DET1: variants seen among roughly 807,000 people sequenced by gnomAD.
DET1 encodes the protein DET1 partner of COP1 E3 ubiquitin ligase, also known as DET1 homolog.
Under a neutral mutation model 43.7 loss-of-function variants are expected in DET1, and 22 were observed. That is an observed-to-expected ratio of 0.50 (90% CI 0.36 to 0.72). The LOEUF (loss-of-function observed/expected upper bound fraction) is 0.72. Among genes scored for constraint, DET1 ranks in the 30% least tolerant of loss-of-function variants. DET1 has a pLI of 0.00. For synonymous variants in DET1, 315 were observed against 266.2 expected, an observed-to-expected ratio of 1.18 and a Z score of -1.79; for missense variants, 713 against 713.3, an observed-to-expected ratio of 1.00 and a Z score of 0.00.
chr15:88,531,094 A>C lies in DET1; in HGVS notation c.612T>G (p.Cys204Trp). The stretch of plus-strand genomic sequence containing the variant: ...TGTCACACTTGAACGTGCGTGTATC[A>C]CATAAGCGGCCGGTGTGAAGGTCAA... The part of the protein sequence containing the change: ...HIIDLHTGRL[C>W]DTRTFKCDKV... Residue 204 changes from cysteine to tryptophan, a missense_variant, in exon 2 of 5, where the codon TGT (cysteine) becomes TGG (tryptophan). Physicochemically the swap from Cys to Trp is radical, Grantham distance 215. Transcript: ENST00000268148. The surrounding 1 kb of genome is among the most constrained non-coding windows in gnomAD (Gnocchi z 6.2). 1 of 1,613,990 alleles carries C rather than the reference A, an allele frequency of 6.2e-7. No individual in the cohort carries two copies. Among genetic ancestry groups the C allele is most frequent in the Non-Finnish European group, 8.5e-7 (1 of 1,179,892 alleles).
intron 3 of DET1, among the ~76,000 whole-genome samples, chr15:88,525,808 T>C (rs2056646422): frequency 6.7e-6 from 1 of 149,180 alleles, no homozygotes; most frequent in South Asian, 2.1e-4. Flanking sequence ...ACTACAGGCA[T>C]GCACCACCAC....
chr15:88,523,869 G>A (rs1254782055), intron 3 of DET1, among the ~76,000 whole-genome samples: 1 of 152,050 alleles, frequency 6.6e-6, no homozygotes, highest in Non-Finnish European at 1.5e-5. Flanking sequence ...ACCCCGTCTG[G>A]GAAGTGAGGA....
At chr15:88,528,951 C>CT (rs1434059880) in intron 2 of DET1, among the ~76,000 whole-genome samples, 1 of 152,144 alleles carries the variant, frequency 6.6e-6, no homozygotes, top group Non-Finnish European at 1.5e-5. Flanking sequence ...TTTGGATGTA[C>CT]TTTTTACTTA....
chr15:88,502,818 G>T (rs77905830), intron 8 of DET1: 2 of 152,402 alleles, frequency 1.3e-5, no homozygotes, highest in East Asian at 1.9e-4. Flanking sequence ...TTCTAAGAGA[G>T]AGAGAGATCG....
At chr15:88,527,923 G>A (rs371794479) in intron 2 of DET1, 137 bp from the exon 3 acceptor site, 6 of 480,166 alleles carry the variant, frequency 1.2e-5, no homozygotes, top group Non-Finnish European at 1.7e-5. Context: ...ACAACAACAA[G>A]CAAACACCTC....
At chr15:88,536,500 C>T (rs928161256) in intron 1 of DET1, 3 of 544,022 alleles carry the variant, frequency 5.5e-6, no homozygotes, top group Non-Finnish European at 9.7e-6. Flanking sequence ...AACAAACTGG[C>T]CGGGTGCAGT....
intron 7 of DET1, among the ~76,000 whole-genome samples, chr15:88,506,633 A>G (rs2056144942): frequency 6.6e-6 from 1 of 152,232 alleles, no homozygotes; most frequent in Non-Finnish European, 1.5e-5. Flanking sequence ...GGGCTTCTAC[A>G]AAGGAACACT....
chr15:88,509,132 C>A (rs1323373800), downstream of DET1, among the ~76,000 whole-genome samples: 3 of 152,160 alleles, frequency 2.0e-5, no homozygotes, highest in East Asian at 5.8e-4. Context: ...TGCCAAGTGG[C>A]AAGATGACCA....
chr15:88,530,564 A>C (rs1183459281), intron 2 of DET1, 59 bp downstream of exon 2: 1 of 1,527,708 alleles, frequency 6.5e-7, no homozygotes, highest in Non-Finnish European at 8.8e-7. Context: ...ACAAACAGAG[A>C]AACCTTCCCA....
At chr15:88,507,499 C>T (rs1201410524), downstream of DET1, among the ~76,000 whole-genome samples, 3 of 152,210 alleles carry the variant, frequency 2.0e-5, no homozygotes, top group African/African-American at 7.2e-5. Flanking sequence ...ACACATCCGA[C>T]TTCACTCTAG....
chr15:88,546,271 G>A (rs1430808135), intron 1 of DET1: 1 of 152,548 alleles, frequency 6.6e-6, no homozygotes, highest in Non-Finnish European at 1.5e-5. Flanking sequence ...TACCCTTGCT[G>A]GGTCTCAGTT....
downstream of DET1, chr15:88,511,490 T>A: frequency 6.1e-6 from 6 of 985,440 alleles, no homozygotes; most frequent in Non-Finnish European, 7.2e-6. Context: ...CATCTTCAAC[T>A]CTTGGTCATA....
At chr15:88,530,586 A>T in intron 2 of DET1, 37 bp downstream of exon 2, 2 of 1,538,570 alleles carry the variant, frequency 1.3e-6, no homozygotes, top group Non-Finnish European at 1.7e-6. Context: ...TTTGCCAAGG[A>T]GATTAGACAA....
intron 7 of DET1, among the ~76,000 whole-genome samples, chr15:88,506,975 T>C (rs1404424062): frequency 6.6e-6 from 1 of 152,204 alleles, no homozygotes. Flanking sequence ...CATCAGACAT[T>C]TGTGGAGAGA....
chr15:88,540,956 C>G lies in DET1; in HGVS notation c.-11+5584G>C, dbSNP rs1158383446. Among the ~76,000 whole-genome samples, 58 of 67,986 alleles carry G rather than the reference C, an allele frequency of 8.5e-4. 19 individuals carry two copies. The highest frequency in any genetic ancestry group is 6.4e-3 in the African/African-American group (57 of 8,860). 44.6% of individuals were successfully genotyped at this position (67,986 alleles called of 152,430 possible). A position where few individuals can be genotyped will look rare whatever the true frequency, so the allele number is the denominator to read the frequency against. ...GGAAGGGAAAGACCTGACCGTCCCC[C>G]AGCCCGACACCCATAAAGGGTCTGT... On this transcript the variant is annotated intron_variant, in intron 1 of 4. Coordinates refer to ENST00000268148, the MANE Select transcript of DET1 (RefSeq NM_001144074.3).
chr15:88,524,087 C>T (rs4481046), intron 3 of DET1, among the ~76,000 whole-genome samples: 121 of 151,222 alleles, frequency 8.0e-4, no homozygotes, highest in Non-Finnish European at 1.3e-3. Flanking sequence ...GCTTCTGCCC[C>T]GCCGCCCCAT....
chr15:88,511,468 C>T (rs2056200476), downstream of DET1: 2 of 985,316 alleles, frequency 2.0e-6, no homozygotes, highest in Non-Finnish European at 2.4e-6. Context: ...TATGCTGGGC[C>T]TCTCCTTGAA....
intron 2 of DET1, 46 bp from the exon 3 acceptor site, chr15:88,527,832 C>T (rs753209476): frequency 1.4e-6 from 2 of 1,395,236 alleles, no homozygotes; most frequent in South Asian, 1.8e-5. Flanking sequence ...GAGTATAATG[C>T]CATGCGTAGG....
At chr15:88,541,967 A>G (rs1230015465) in intron 1 of DET1, among the ~76,000 whole-genome samples, 1 of 152,020 alleles carries the variant, frequency 6.6e-6, no homozygotes, top group Non-Finnish European at 1.5e-5. Context: ...CCACTGAGAG[A>G]GGCACAAGTT....
Sources: gnomAD v4.1 joint callset for allele counts (sites outside exome capture counted in the v4.1 genomes callset) on GRCh38, gnomAD v4.1.1 for gene constraint, Gnocchi (gnomAD v3.1) non-coding constraint, MANE v1.5 for transcripts, NCBI Gene and HGNC (gene_info 2026-07-23, HGNC 2026-07-21) for gene names.